The following VMP1 variants were observed in gnomAD, a reference collection of about 807,000 sequenced individuals.
VMP1 encodes the protein vacuole membrane protein 1.
A neutral mutation model predicts 56.0 loss-of-function variants in VMP1; 11 were observed. The ratio of observed to expected loss-of-function variants is 0.20; its 90% CI spans 0.12 to 0.32. The LOEUF (loss-of-function observed/expected upper bound fraction) is 0.32. Ranked by LOEUF, VMP1 falls within the 10% of genes least tolerant of loss-of-function variation. The probability of loss-of-function intolerance (pLI) is 1.00; values close to 1 mark genes in which losing one functional copy is unlikely to be tolerated. For synonymous variants in VMP1, 149 were observed against 165.0 expected, an observed-to-expected ratio of 0.90 and a Z score of 0.74; for missense variants, 296 against 490.3, an observed-to-expected ratio of 0.60 and a Z score of 3.74.
At chr17:59,839,580 G>A (rs1270828655) in intron 11 of VMP1, 188 bp from the exon 12 acceptor site, 4 of 658,890 alleles carry the variant, frequency 6.1e-6, no homozygotes, top group African/African-American at 1.9e-5. Context: ...CCAACAAAGT[G>A]AAATCTTGAT....
chr17:59,836,233 A>T (rs1447655792), intron 10 of VMP1, among the ~76,000 whole-genome samples: 2 of 149,380 alleles, frequency 1.3e-5, no homozygotes, highest in Non-Finnish European at 3.0e-5. Flanking sequence ...ATTTTTATTT[A>T]TTTATTTATT....
At chr17:59,737,320 C>T (rs545181668) in intron 3 of VMP1, 133 bp from the exon 4 acceptor site, 2 of 727,648 alleles carry the variant, frequency 2.7e-6, no homozygotes, top group Non-Finnish European at 4.3e-6. Context: ...TCCAAGAGGC[C>T]ATGATGTGTA....
chr17:59,720,693 G>T (rs533335430), intron 1 of VMP1, among the ~76,000 whole-genome samples: 1 of 152,282 alleles, frequency 6.6e-6, no homozygotes, highest in African/African-American at 2.4e-5. Flanking sequence ...ATTTATCTTG[G>T]CTGGGCGTGG....
At chr17:59,769,837 T>C (rs1018560996) in intron 6 of VMP1, among the ~76,000 whole-genome samples, 1 of 152,216 alleles carries the variant, frequency 6.6e-6, no homozygotes, top group Non-Finnish European at 1.5e-5. Flanking sequence ...TAAAGAATTT[T>C]GTATCTTATA....
chr17:59,819,656 A>G (rs1398468775), intron 10 of VMP1, among the ~76,000 whole-genome samples: 2 of 152,012 alleles, frequency 1.3e-5, no homozygotes, highest in Non-Finnish European at 2.9e-5. Flanking sequence ...GTTTCACCAC[A>G]TTGGTCAGGC....
chr17:59,708,543 C>T (rs942779856), intron 1 of VMP1, among the ~76,000 whole-genome samples: 3 of 152,140 alleles, frequency 2.0e-5, no homozygotes, highest in African/African-American at 7.2e-5. Flanking sequence ...GTAGACTGGC[C>T]ACTGTTGATG....
rs1270662983 is a variant in VMP1 at position 59,731,517 on chromosome 17, T to G, written c.71T>G (p.Phe24Cys). 3 of 1,580,062 alleles carry G rather than the reference T, an allele frequency of 1.9e-6. No homozygotes were observed. The highest frequency in any genetic ancestry group is 2.6e-6 in the Non-Finnish European group (3 of 1,167,554). Residue 24 changes from phenylalanine to cysteine, a missense_variant, in exon 2 of 12, where the codon TTC becomes TGC. Around this residue, in one of 4 missense-constraint regions of VMP1, gnomAD observed 69 missense variants for 76.6 expected, o/e 0.90. Coordinates refer to ENST00000262291, the MANE Select transcript of VMP1 (RefSeq NM_030938.5). Reference sequence around the variant, plus strand: ...AACAAGGAACATCATAATGGAAATTTCACAGGTAAATTTTGATGGTTTGCA... The same window carrying G: ...AACAAGGAACATCATAATGGAAATTGCACAGGTAAATTTTGATGGTTTGCA... ...AMNKEHHNGN[F>C]TDPSSVNEKK...
chr17:59,716,605 G>C (rs2034161571), intron 1 of VMP1, among the ~76,000 whole-genome samples: 1 of 152,152 alleles, frequency 6.6e-6, no homozygotes, highest in African/African-American at 2.4e-5. Context: ...CTGCCGACTT[G>C]CTATTTGGGG....
At chr17:59,773,304 T>TGG (rs141796822) in intron 6 of VMP1, among the ~76,000 whole-genome samples, 68 of 147,366 alleles carry the variant, frequency 4.6e-4, no homozygotes, top group African/African-American at 1.6e-3. Context: ...TCAGAAGCGG[T>TGG]GGGGGGGGGC....
chr17:59,777,422 C>T (rs2645467), intron 7 of VMP1, among the ~76,000 whole-genome samples: 37,813 of 150,644 alleles, frequency 0.25, 5,026 homozygotes, highest in East Asian at 0.44. Context: ...TCCAGAGGAC[C>T]GATGCCCTTC....
chr17:59,732,242 G>GTTTGTTTGTTTGTTTGCT (rs2034852205), intron 2 of VMP1, among the ~76,000 whole-genome samples: 1 of 151,868 alleles, frequency 6.6e-6, no homozygotes, highest in African/African-American at 2.4e-5. Context: ...GTTTTCATTT[G>GTTTGTTTGTTTGTTTGCT]TTTGTTTGTT....
chr17:59,748,890 A>T (rs1025245594), intron 5 of VMP1, among the ~76,000 whole-genome samples: 517 of 65,838 alleles, frequency 7.9e-3, no homozygotes, highest in East Asian at 0.016. Flanking sequence ...TATTATTATT[A>T]TTTATTTTTT....
At chr17:59,791,102 C>G (rs1342639566) in intron 7 of VMP1, among the ~76,000 whole-genome samples, 1 of 151,690 alleles carries the variant, frequency 6.6e-6, no homozygotes, top group African/African-American at 2.4e-5. Flanking sequence ...ACTCATTTTT[C>G]ATATTTCTAA....
chr17:59,774,853 C>CT (rs2036560708), intron 7 of VMP1, among the ~76,000 whole-genome samples: 1 of 152,030 alleles, frequency 6.6e-6, no homozygotes. Context: ...AATCCCAGCA[C>CT]TTTGAGAGGC....
chr17:59,815,283 G>A (rs1039462589), intron 9 of VMP1, among the ~76,000 whole-genome samples: 1 of 151,878 alleles, frequency 6.6e-6, no homozygotes, highest in African/African-American at 2.4e-5. Flanking sequence ...TTAAGAAGTA[G>A]TATCCTTAGA....
chr17:59,721,328 A>G (rs2034388865), intron 1 of VMP1, among the ~76,000 whole-genome samples: 1 of 152,204 alleles, frequency 6.6e-6, no homozygotes, highest in African/African-American at 2.4e-5. Flanking sequence ...CCTGGGCGAC[A>G]AGAGCGAAAC....
In VMP1 at chr17:59,840,057, T is replaced by C; in HGVS notation, c.*146T>C. On this transcript the variant is annotated 3_prime_UTR_variant, in exon 12 of 12. Transcript: ENST00000262291. ...CCTGAAAGCAGTTTAGTCCATACTT[T>C]GCACTGACATACTTTTTCCTTCTGT... 4 of 981,436 alleles carry C rather than the reference T, an allele frequency of 4.1e-6. No homozygotes were observed. The highest frequency in any genetic ancestry group is 5.9e-6 in the Non-Finnish European group (4 of 676,496). The allele number at this position is 981,436 out of a possible 1,614,324, so 60.8% of individuals were successfully genotyped here.
intron 2 of VMP1, among the ~76,000 whole-genome samples, chr17:59,731,770 A>G (rs966844844): frequency 2.0e-5 from 3 of 152,208 alleles, no homozygotes; most frequent in African/African-American, 4.8e-5. Context: ...TAGTATGGTC[A>G]GTGTTTATTT....
At chr17:59,733,119 A>C (rs534514257) in intron 2 of VMP1, among the ~76,000 whole-genome samples, 37 of 152,166 alleles carry the variant, frequency 2.4e-4, no homozygotes, top group African/African-American at 8.9e-4. Flanking sequence ...TTTAGCCCAC[A>C]AGGCTGCAGT....
Sources: allele counts gnomAD v4.1 joint callset (sites outside exome capture counted in the v4.1 genomes callset), GRCh38; gene constraint gnomAD v4.1.1; regional missense constraint gnomAD v4.1.1; transcripts MANE v1.5; gene names NCBI Gene and HGNC (gene_info 2026-07-23, HGNC 2026-07-21).